HPSE2: variants seen among roughly 807,000 people sequenced by gnomAD.
HPSE2 encodes inactive heparanase-2.
A neutral mutation model predicts 60.5 loss-of-function variants in HPSE2; 38 were observed. That is an observed-to-expected ratio of 0.63 (90% CI 0.48 to 0.82). HPSE2 has a LOEUF of 0.82. HPSE2 is among the 40% of genes least tolerant of loss of function. HPSE2 has a pLI of 0.00. For synonymous variants in HPSE2, 295 were observed against 293.2 expected (o/e 1.01, Z -0.06); for missense variants, 713 against 740.4 (o/e 0.96, Z 0.43).
chr10:98,869,825 G>A (rs114009372), intron 3 of HPSE2, among the ~76,000 whole-genome samples: 216 of 152,126 alleles, frequency 1.4e-3, no homozygotes, highest in African/African-American at 4.6e-3. Context: ...GTTTCCTTCC[G>A]AAGTGTATTG....
the HPSE2 span, among the ~76,000 whole-genome samples, chr10:99,288,461 A>C: frequency 6.6e-6 from 1 of 152,194 alleles, no homozygotes; most frequent in Non-Finnish European, 1.5e-5. Flanking sequence ...GAAGGTGTAA[A>C]TTCTGAAAAA....
At chr10:98,574,643 C>A (rs1944592379) in intron 9 of HPSE2, among the ~76,000 whole-genome samples, 1 of 152,054 alleles carries the variant, frequency 6.6e-6, no homozygotes, top group African/African-American at 2.4e-5. Flanking sequence ...TAAGATGCAG[C>A]CCTGAAGCAA....
In HPSE2 at chr10:98,941,766, C is replaced by T. The variant is rs1434456499; in HGVS notation, c.611-197710G>A. ...TATGGAACCAAAAAAGAGCCCGCAT[C>T]GCCAAGTCAATCCTAAGCCAAAAGA... On this transcript the variant is annotated intron_variant, in intron 3 of 11. Coordinates refer to ENST00000370552, the MANE Select transcript of HPSE2 (RefSeq NM_021828.5). Among the ~76,000 whole-genome samples the T allele has an allele frequency of 1.6e-4, 22 of 136,590 alleles. 3 individuals are homozygous for T. Among genetic ancestry groups the T allele is most frequent in the African/African-American group, 4.4e-4 (14 of 31,936 alleles). The allele number at this position is 136,590 out of a possible 152,430, so 89.6% of individuals were successfully genotyped here. A position where few individuals can be genotyped will look rare whatever the true frequency, so the allele number is the denominator to read the frequency against.
intron 3 of HPSE2, among the ~76,000 whole-genome samples, chr10:98,972,678 G>C (rs1349520719): frequency 6.6e-6 from 1 of 152,052 alleles, no homozygotes; most frequent in Non-Finnish European, 1.5e-5. Context: ...CTTTGCTACT[G>C]TCTTTCCTTA....
intron 3 of HPSE2, among the ~76,000 whole-genome samples, chr10:98,912,504 G>A (rs573159785): frequency 2.0e-5 from 3 of 152,302 alleles, no homozygotes; most frequent in Admixed American, 2.0e-4. Context: ...CATGCCTGTT[G>A]CAGCACTGTT....
chr10:98,856,817 ATTATG>A (rs1952327593), intron 3 of HPSE2, among the ~76,000 whole-genome samples: 1 of 152,302 alleles, frequency 6.6e-6, no homozygotes, highest in South Asian at 2.1e-4. Context: ...GTAGTCATTC[ATTATG>A]TTAAGTAAAA....
chr10:98,701,255 G>T lies in HPSE2; in HGVS notation c.957-7308C>A, dbSNP rs536080156. On this transcript the variant is annotated intron_variant, in intron 5 of 11. Coordinates refer to ENST00000370552, the MANE Select transcript of HPSE2 (RefSeq NM_021828.5). ...GGAACCAACCCAAATGTCCAACAAT[G>T]ATAGACTGGATTAAGAAAATGTGGC... Among the ~76,000 whole-genome samples, 92 of 123,802 alleles carry T rather than the reference G, an allele frequency of 7.4e-4. No individual in the cohort carries two copies. The Middle Eastern group carries it at 0.012, about 16-fold the overall frequency. The allele number at this position is 123,802 out of a possible 152,430, so 81.2% of individuals were successfully genotyped here. A position where few individuals can be genotyped will look rare whatever the true frequency, so the allele number is the denominator to read the frequency against.
At chr10:99,077,720 ATGTG>A (rs71009723) in intron 3 of HPSE2, among the ~76,000 whole-genome samples, 17 of 150,906 alleles carry the variant, frequency 1.1e-4, no homozygotes, top group African/African-American at 2.2e-4. Flanking sequence ...GTGTATATAT[ATGTG>A]TGTGTGTGTG....
the HPSE2 span, among the ~76,000 whole-genome samples, chr10:99,308,530 G>A: frequency 6.6e-6 from 1 of 152,062 alleles, no homozygotes; most frequent in African/African-American, 2.4e-5. Context: ...AACATTATAC[G>A]AAATTCGTTA....
chr10:98,748,034 C>A (rs988313338), intron 3 of HPSE2, among the ~76,000 whole-genome samples: 4 of 152,156 alleles, frequency 2.6e-5, no homozygotes, highest in Non-Finnish European at 5.9e-5. Context: ...CGCAATGGCT[C>A]ACACCTGTAA....
intron 3 of HPSE2, among the ~76,000 whole-genome samples, chr10:98,891,337 A>T (rs1480505769): frequency 6.6e-6 from 1 of 152,224 alleles, no homozygotes; most frequent in Non-Finnish European, 1.5e-5. Flanking sequence ...TTCAAACCAT[A>T]GGTTGACCTG....
At chr10:99,144,732 A>G (rs911808461) in intron 2 of HPSE2, among the ~76,000 whole-genome samples, 2 of 152,102 alleles carry the variant, frequency 1.3e-5, no homozygotes, top group African/African-American at 4.8e-5. Flanking sequence ...ACCGTTTTCC[A>G]TGGGAAAAAG....
chr10:98,493,527 T>C (rs532707116), intron 9 of HPSE2, among the ~76,000 whole-genome samples: 1 of 152,306 alleles, frequency 6.6e-6, no homozygotes, highest in East Asian at 1.9e-4. Context: ...ACTGAAACTT[T>C]TATTAATATA....
chr10:98,533,800 G>C (rs941399702), intron 9 of HPSE2, among the ~76,000 whole-genome samples: 1 of 152,190 alleles, frequency 6.6e-6, no homozygotes, highest in African/African-American at 2.4e-5. Flanking sequence ...AAGCCAACGT[G>C]AGAACCCTTT....
chr10:99,034,387 T>C (rs983832416), intron 3 of HPSE2, among the ~76,000 whole-genome samples: 4 of 152,096 alleles, frequency 2.6e-5, no homozygotes, highest in Non-Finnish European at 5.9e-5. Flanking sequence ...CATGAGGAAA[T>C]TTAGTGAATA....
the HPSE2 span, among the ~76,000 whole-genome samples, chr10:99,270,970 T>C: frequency 2.0e-5 from 3 of 152,196 alleles, no homozygotes; most frequent in African/African-American, 4.8e-5. Flanking sequence ...AAAATTGGCA[T>C]AGAAGGGACA....
intron 9 of HPSE2, among the ~76,000 whole-genome samples, chr10:98,502,280 C>T (rs1942051367): frequency 6.6e-6 from 1 of 152,176 alleles, no homozygotes; most frequent in African/African-American, 2.4e-5. Flanking sequence ...AGGCATCGCA[C>T]ACTACCTGAT....
At chr10:99,053,976 T>A (rs1472875223) in intron 3 of HPSE2, among the ~76,000 whole-genome samples, 1 of 151,488 alleles carries the variant, frequency 6.6e-6, no homozygotes, top group Non-Finnish European at 1.5e-5. Context: ...GCTCAGGCAA[T>A]CTGCCCGCCT....
rs187360330 is a variant in HPSE2, at chr10:98,934,033, C to G, written c.611-189977G>C. Among the ~76,000 whole-genome samples the G allele has an allele frequency of 2.6e-3, 370 of 143,994 alleles. 44 individuals are homozygous for G. The highest frequency in any genetic ancestry group is 0.016 in the Admixed American group (227 of 14,468). 94.5% of individuals were successfully genotyped at this position (143,994 alleles called of 152,430 possible). A position where few individuals can be genotyped will look rare whatever the true frequency, so the allele number is the denominator to read the frequency against. On this transcript the variant is annotated intron_variant, in intron 3 of 11. Coordinates refer to ENST00000370552, the MANE Select transcript of HPSE2 (RefSeq NM_021828.5). The stretch of plus-strand genomic sequence containing the variant: ...AGGCTTGAGCCAGTGAGCCTGGCAC[C>G]TTCTTCGTCTTTTTTTATCTTTGTT...
Sources: allele counts gnomAD v4.1 joint callset (sites outside exome capture counted in the v4.1 genomes callset), GRCh38; gene constraint gnomAD v4.1.1; transcripts MANE v1.5; gene names NCBI Gene and HGNC (gene_info 2026-07-23, HGNC 2026-07-21).